NUP93: variants seen among roughly 807,000 people sequenced by gnomAD.
NUP93 encodes the protein nucleoporin 93.
NUP93 carries 55 observed loss-of-function variants against 107.8 expected under a neutral mutation model. The observed-to-expected ratio is 0.51, with a 90% CI of 0.41 to 0.64. NUP93 has a LOEUF of 0.64. Ranked by LOEUF, NUP93 falls within the 30% of genes least tolerant of loss-of-function variation. NUP93 has a pLI of 0.00. For missense variants in NUP93, 937 were observed against 1,044.7 expected, an observed-to-expected ratio of 0.90 and a Z score of 1.42; for synonymous variants, 390 against 397.5, an observed-to-expected ratio of 0.98 and a Z score of 0.22.
intron 4 of NUP93, among the ~76,000 whole-genome samples, chr16:56,803,250 G>A (rs545274678): frequency 6.6e-6 from 1 of 152,228 alleles, no homozygotes; most frequent in South Asian, 2.1e-4. Flanking sequence ...CTTGAGGTCA[G>A]GAGTTCGAGA....
At chr16:56,833,136 C>T in intron 12 of NUP93, 79 bp from the exon 13 acceptor site, 6 of 1,264,550 alleles carry the variant, frequency 4.7e-6, no homozygotes, top group Non-Finnish European at 6.6e-6. Flanking sequence ...GCTCACAGGG[C>T]TGCTGCCTGG....
intron 3 of NUP93, among the ~76,000 whole-genome samples, chr16:56,759,291 C>T (rs1962083210): frequency 6.6e-6 from 1 of 152,240 alleles, no homozygotes; most frequent in South Asian, 2.1e-4. Flanking sequence ...ACTGCATTTG[C>T]ATTAGAGTGA....
chr16:56,805,578 G>T lies in NUP93; in HGVS notation c.435G>T (p.Leu145=). 3 of 1,614,090 alleles carry T rather than the reference G, an allele frequency of 1.9e-6. No homozygotes were observed. The highest frequency in any genetic ancestry group is 2.5e-6 in the Non-Finnish European group (3 of 1,179,986). ...GGGAGCAAGTGAAACAGCGAATTCT[G>T]CACACACTGCTGGCATCAGGAGAAG... ...VEWEQVKQRI[L]HTLLASGEDA... Residue 145 remains leucine, a synonymous_variant, in exon 5 of 22, where the codon CTG becomes CTT. Coordinates refer to ENST00000308159, the MANE Select transcript of NUP93 (RefSeq NM_014669.5).
chr16:56,771,477 C>T (rs1336658496), intron 3 of NUP93, among the ~76,000 whole-genome samples: 1 of 152,230 alleles, frequency 6.6e-6, no homozygotes, highest in Non-Finnish European at 1.5e-5. Context: ...TGCAAAGACA[C>T]TAAGCCAGTT....
intron 3 of NUP93, among the ~76,000 whole-genome samples, chr16:56,793,523 C>T (rs1433122075): frequency 6.6e-6 from 1 of 152,040 alleles, no homozygotes; most frequent in Non-Finnish European, 1.5e-5. Context: ...CCAGAGAACT[C>T]ATTTTCTCAT....
intron 8 of NUP93, among the ~76,000 whole-genome samples, chr16:56,824,915 A>G (rs1313209628): frequency 6.6e-6 from 1 of 152,226 alleles, no homozygotes; most frequent in Non-Finnish European, 1.5e-5. Context: ...AAAATAATTC[A>G]TCCAAGCGTT....
At chr16:56,797,329 G>T (rs1342560132) in intron 3 of NUP93, among the ~76,000 whole-genome samples, 1 of 152,210 alleles carries the variant, frequency 6.6e-6, no homozygotes, top group Non-Finnish European at 1.5e-5. Flanking sequence ...TGGATCTGAT[G>T]TGTAAGGTAA....
chr16:56,742,865 G>A (rs1961761627), intron 1 of NUP93, among the ~76,000 whole-genome samples: 1 of 152,202 alleles, frequency 6.6e-6, no homozygotes, highest in African/African-American at 2.4e-5. Context: ...GAGTCCATAA[G>A]CCCTGAGTAA....
At chr16:56,807,765 A>G (rs757979621) in intron 5 of NUP93, among the ~76,000 whole-genome samples, 3 of 151,948 alleles carry the variant, frequency 2.0e-5, no homozygotes, top group Admixed American at 6.6e-5. Context: ...GTTCACGCCT[A>G]TAATCCCAGC....
intron 1 of NUP93, among the ~76,000 whole-genome samples, chr16:56,742,896 C>G (rs141574302): frequency 6.6e-6 from 1 of 152,186 alleles, no homozygotes; most frequent in Non-Finnish European, 1.5e-5. Flanking sequence ...GTATTCTACT[C>G]ATGGCTGATG....
chr16:56,828,692 A>G (rs1286547768), intron 8 of NUP93, among the ~76,000 whole-genome samples: 9 of 152,224 alleles, frequency 5.9e-5, no homozygotes, highest in African/African-American at 2.2e-4. Context: ...AGCTGGAGCA[A>G]TTATTATTCT....
At chr16:56,812,442 C>T (rs1963336672) in intron 5 of NUP93, among the ~76,000 whole-genome samples, 1 of 151,972 alleles carries the variant, frequency 6.6e-6, no homozygotes, top group South Asian at 2.1e-4. Context: ...CTCCCGGGTT[C>T]GTGCCATTCT....
At chr16:56,807,730 T>C (rs546433158) in intron 5 of NUP93, among the ~76,000 whole-genome samples, 77 of 152,244 alleles carry the variant, frequency 5.1e-4, no homozygotes, top group South Asian at 4.1e-3. Flanking sequence ...TTTTAAAATA[T>C]AGGCAGTGTG....
chr16:56,806,064 T>C (rs762590988), intron 5 of NUP93, among the ~76,000 whole-genome samples: 1 of 148,596 alleles, frequency 6.7e-6, no homozygotes, highest in Non-Finnish European at 1.5e-5. Flanking sequence ...AGTTGCCTTC[T>C]TGGCTCTGCT....
chr16:56,839,795 T>C lies in NUP93; in HGVS notation c.2220+191T>C, dbSNP rs1238821495. 3 of 562,796 alleles carry C rather than the reference T, an allele frequency of 5.3e-6. No homozygotes were observed. In the African/African-American group the frequency reaches 5.7e-5, roughly 11 times the overall value. 34.9% of individuals were successfully genotyped at this position (562,796 alleles called of 1,614,324 possible). A position where few individuals can be genotyped will look rare whatever the true frequency, so the allele number is the denominator to read the frequency against. Reference sequence around the variant, plus strand: ...GAGTGCATACATCCCCATCAGATTATTGTCTGAATTCCTAATTGAGAAAAT... The same window carrying C: ...GAGTGCATACATCCCCATCAGATTACTGTCTGAATTCCTAATTGAGAAAAT... On this transcript the variant is annotated intron_variant, in intron 20 of 21. Coordinates refer to ENST00000308159, the MANE Select transcript of NUP93 (RefSeq NM_014669.5).
intron 1 of NUP93, among the ~76,000 whole-genome samples, chr16:56,733,896 C>T: frequency 6.6e-6 from 1 of 152,208 alleles, no homozygotes; most frequent in Non-Finnish European, 1.5e-5. Flanking sequence ...TACACAGTTG[C>T]TAAAAGCCAG....
rs74021803 is a variant in NUP93, at chr16:56,770,492, G to A, written c.297+11837G>A. On this transcript the variant is annotated intron_variant, in intron 3 of 21. Coordinates refer to ENST00000308159, the MANE Select transcript of NUP93 (RefSeq NM_014669.5). ...CTTTGAGAGTAAATGAGAACCGAATGGCTTTAAGGGGGGAAAATTGACTTC... is the reference window on the plus strand; with the variant it reads ...CTTTGAGAGTAAATGAGAACCGAATAGCTTTAAGGGGGGAAAATTGACTTC... Among the ~76,000 whole-genome samples, 888 of 152,222 alleles carry A rather than the reference G, an allele frequency of 5.8e-3. 8 individuals carry two copies. Among genetic ancestry groups the A allele is most frequent in the African/African-American group, 0.02 (839 of 41,530 alleles).
intron 20 of NUP93, 133 bp from the exon 21 acceptor site, chr16:56,841,572 G>A (rs1964025546): frequency 5.4e-6 from 6 of 1,101,384 alleles, no homozygotes; most frequent in South Asian, 1.6e-5. Context: ...TTGGGTGACT[G>A]TGTGGCTCTC....
chr16:56,833,246 C>A lies in NUP93; in HGVS notation c.1377C>A (p.Pro459=). The change falls in exon 13 of 22, where the codon CCC becomes CCA. Residue 459 remains proline (P), a synonymous_variant. Transcript: ENST00000308159. ...GESHFTVNQQ[P]FLYFQVLFLT... ...CCCACTTTACGGTGAACCAGCAACC[C>A]TTCCTCTACTTCCAAGTCCTGTTCC... is the stretch of plus-strand genomic sequence containing the variant. 1 of 1,604,628 alleles carries A rather than the reference C, an allele frequency of 6.2e-7. No individual in the cohort carries two copies. The highest frequency in any genetic ancestry group is 8.5e-7 in the Non-Finnish European group (1 of 1,176,940).
Sources: gnomAD v4.1 joint callset for allele counts (sites outside exome capture counted in the v4.1 genomes callset) on GRCh38, gnomAD v4.1.1 for gene constraint, MANE v1.5 for transcripts, NCBI Gene and HGNC (gene_info 2026-07-23, HGNC 2026-07-21) for gene names.